Variants in DAB1 observed in about 807,000 individuals in gnomAD.
DAB1 encodes disabled homolog 1.
A neutral mutation model predicts 64.6 loss-of-function variants in DAB1; 15 were observed. The observed-to-expected ratio is 0.23, with a 90% CI of 0.16 to 0.36. The LOEUF (loss-of-function observed/expected upper bound fraction) is 0.36. Among genes scored for constraint, DAB1 ranks in the 10% least tolerant of loss-of-function variants. DAB1 has a pLI of 1.00. For missense variants in DAB1, 596 were observed against 706.7 expected (o/e 0.84, Z 1.78); for synonymous variants, 235 against 251.9 (o/e 0.93, Z 0.64).
intron 3 of DAB1, among the ~76,000 whole-genome samples, chr1:58,414,698 G>T (rs949501450): frequency 4.0e-5 from 6 of 151,554 alleles, no homozygotes; most frequent in Non-Finnish European, 7.4e-5. Flanking sequence ...TAATTTTAAA[G>T]ATGAGAAAAA....
At chr1:57,016,613 A>C (rs1646441139) in intron 11 of DAB1, among the ~76,000 whole-genome samples, 1 of 151,892 alleles carries the variant, frequency 6.6e-6, no homozygotes, top group Non-Finnish European at 1.5e-5. Context: ...AAAGAAAGAA[A>C]GTTATTGTCC....
At chr1:58,132,332 G>A (rs914630019) in intron 5 of DAB1, among the ~76,000 whole-genome samples, 26 of 152,242 alleles carry the variant, frequency 1.7e-4, no homozygotes, top group African/African-American at 5.5e-4. Context: ...CACGGTGCAC[G>A]CACCCACTGA....
chr1:57,134,029 C>T (rs920376481), intron 4 of DAB1, among the ~76,000 whole-genome samples: 5 of 152,136 alleles, frequency 3.3e-5, no homozygotes, highest in Admixed American at 2.0e-4. Context: ...CTGGACTCAA[C>T]TTAGATGTGA....
chr1:58,191,985 C>T (rs1657412693), intron 4 of DAB1, among the ~76,000 whole-genome samples: 1 of 152,172 alleles, frequency 6.6e-6, no homozygotes, highest in African/African-American at 2.4e-5. Flanking sequence ...CTTTGCAAAA[C>T]CAGCTGAAAG....
chr1:57,899,051 T>C (rs932301699), intron 5 of DAB1, among the ~76,000 whole-genome samples: 2 of 152,122 alleles, frequency 1.3e-5, no homozygotes, highest in African/African-American at 4.8e-5. Flanking sequence ...ACATTTACTT[T>C]ATAATTTTAG....
chr1:57,593,362 T>C (rs1245543810), intron 7 of DAB1, among the ~76,000 whole-genome samples: 2 of 152,244 alleles, frequency 1.3e-5, no homozygotes, highest in African/African-American at 2.4e-5. Context: ...CTGAATAATA[T>C]TCTACTGTAC....
intron 7 of DAB1, among the ~76,000 whole-genome samples, chr1:57,532,483 G>A (rs552529960): frequency 5.3e-5 from 8 of 152,318 alleles, no homozygotes; most frequent in African/African-American, 1.9e-4. Flanking sequence ...GAAGCCATCT[G>A]AGGGCAGAGC....
At chr1:57,267,633 C>A (rs1670687274) in intron 2 of DAB1, among the ~76,000 whole-genome samples, 1 of 152,170 alleles carries the variant, frequency 6.6e-6, no homozygotes, top group South Asian at 2.1e-4. Flanking sequence ...CTGGTTCTAC[C>A]TTTCTGAATT....
At chr1:57,699,560 A>C (rs534996757) in intron 6 of DAB1, among the ~76,000 whole-genome samples, 1 of 152,282 alleles carries the variant, frequency 6.6e-6, no homozygotes, top group African/African-American at 2.4e-5. Flanking sequence ...GCAAGACAAA[A>C]TGCAGAGATG....
At chr1:57,870,341 T>C (rs1006903217) in intron 1 of DAB1, among the ~76,000 whole-genome samples, 2 of 152,138 alleles carry the variant, frequency 1.3e-5, no homozygotes, top group Non-Finnish European at 2.9e-5. Context: ...CATAGAGTTA[T>C]GGGGCCAGCC....
chr1:57,345,108 G>T (rs1027449033), intron 1 of DAB1, among the ~76,000 whole-genome samples: 1 of 152,120 alleles, frequency 6.6e-6, no homozygotes, highest in Non-Finnish European at 1.5e-5. Flanking sequence ...AATAATAATA[G>T]GATTTGTAAT....
chr1:57,648,307 T>C (rs1646217590), intron 7 of DAB1, among the ~76,000 whole-genome samples: 1 of 151,892 alleles, frequency 6.6e-6, no homozygotes, highest in Non-Finnish European at 1.5e-5. Flanking sequence ...AGGAGGCGAG[T>C]GTCCCCCGAC....
At chr1:57,715,097 A>T (rs1182570603) in intron 6 of DAB1, among the ~76,000 whole-genome samples, 1 of 152,226 alleles carries the variant, frequency 6.6e-6, no homozygotes, top group East Asian at 1.9e-4. Flanking sequence ...AATGGGATTC[A>T]TTCCAGGGAT....
At chr1:57,278,517 A>T (rs1028105925) in intron 2 of DAB1, among the ~76,000 whole-genome samples, 5 of 152,228 alleles carry the variant, frequency 3.3e-5, no homozygotes, top group Non-Finnish European at 7.3e-5. Flanking sequence ...AGAAAGGAAT[A>T]AGAGCTTCAT....
At chr1:58,144,748 G>A (rs1281412505) in intron 5 of DAB1, among the ~76,000 whole-genome samples, 2 of 152,172 alleles carry the variant, frequency 1.3e-5, no homozygotes, top group African/African-American at 4.8e-5. Context: ...TCACCCAGCA[G>A]CAAGCAGCAG....
chr1:58,089,875 C>A (rs781511973), intron 5 of DAB1, among the ~76,000 whole-genome samples: 3 of 152,162 alleles, frequency 2.0e-5, no homozygotes, highest in Non-Finnish European at 4.4e-5. Flanking sequence ...CCGCTGGGGG[C>A]AGACAAGAAC....
At chr1:57,939,021 C>G (rs12740209) in intron 5 of DAB1, among the ~76,000 whole-genome samples, 1 of 151,972 alleles carries the variant, frequency 6.6e-6, no homozygotes, top group African/African-American at 2.4e-5. Flanking sequence ...TGGACTACTA[C>G]AGCAGAACAC....
rs753957444 is a variant in DAB1 at position 57,145,388 on chromosome 1, C to T, written c.109G>A (p.Gly37Ser). The T allele has an allele frequency of 3.7e-6, 6 of 1,614,096 alleles. No homozygotes were observed. The highest frequency in any genetic ancestry group is 5.1e-6 in the Non-Finnish European group (6 of 1,179,980). Residue 37 changes from glycine (G) to serine (S), a missense_variant, in exon 3 of 15, where the codon GGT becomes AGT. Coordinates refer to ENST00000371236, the MANE Select transcript of DAB1 (RefSeq NM_001365792.1). ...TTGGCTTTGTACCGGACCCCTTCACCTTTAAACCTCTTTATCAAAGTGGCT... is the reference window on the plus strand; with the variant it reads ...TTGGCTTTGTACCGGACCCCTTCACTTTTAAACCTCTTTATCAAAGTGGCT... Reference protein sequence around the residue: ...SEATLIKRFKGEGVRYKAKLI... With the variant: ...SEATLIKRFKSEGVRYKAKLI...
chr1:57,251,376 T>A (rs1026920109), intron 2 of DAB1, among the ~76,000 whole-genome samples: 5 of 152,204 alleles, frequency 3.3e-5, no homozygotes, highest in Admixed American at 2.6e-4. Flanking sequence ...ATTGAAATGC[T>A]AAGAATTTTT....
Sources: allele counts gnomAD v4.1 joint callset (sites outside exome capture counted in the v4.1 genomes callset), GRCh38; gene constraint gnomAD v4.1.1; transcripts MANE v1.5; gene names NCBI Gene and HGNC (gene_info 2026-07-23, HGNC 2026-07-21).